CSMD1: variants seen among roughly 807,000 people sequenced by gnomAD.
CSMD1 encodes CUB and Sushi multiple domains 1, also known as CUB and sushi domain-containing protein 1.
Under a neutral mutation model 417.5 loss-of-function variants are expected in CSMD1, and 213 were observed. That is an observed-to-expected ratio of 0.51 (90% CI 0.46 to 0.57). The LOEUF (loss-of-function observed/expected upper bound fraction) is 0.57. Ranked by LOEUF, CSMD1 falls within the 20% of genes least tolerant of loss-of-function variation. The pLI is 0.00. For missense variants in CSMD1, 6,923 were observed against 4,529.7 expected (o/e 1.53, Z -15.17); for synonymous variants, 2,862 against 1,736.8 (o/e 1.65, Z -16.11).
chr8:3,104,132 T>G (rs578087001), intron 46 of CSMD1, among the ~76,000 whole-genome samples: 48 of 152,368 alleles, frequency 3.2e-4, no homozygotes, highest in African/African-American at 1.0e-3. Context: ...TAAAGTCTTC[T>G]ATTCTGAGAA....
chr8:3,783,924 T>G (rs970051756), intron 5 of CSMD1, among the ~76,000 whole-genome samples: 52 of 152,324 alleles, frequency 3.4e-4, no homozygotes, highest in African/African-American at 1.2e-3. Flanking sequence ...GGCTGCAGTT[T>G]GAATACCCCA....
At chr8:3,483,182 C>G (rs1443494436) in intron 11 of CSMD1, among the ~76,000 whole-genome samples, 1 of 151,896 alleles carries the variant, frequency 6.6e-6, no homozygotes, top group Non-Finnish European at 1.5e-5. Context: ...AACAAATATT[C>G]TCTTTCAAAA....
intron 1 of CSMD1, among the ~76,000 whole-genome samples, chr8:4,916,381 A>C (rs1488700368): frequency 6.6e-6 from 1 of 152,254 alleles, no homozygotes; most frequent in East Asian, 1.9e-4. Flanking sequence ...TTCTGGTTAT[A>C]GATTCAGAGT....
intron 1 of CSMD1, among the ~76,000 whole-genome samples, chr8:4,808,535 A>T (rs1271460082): frequency 6.6e-6 from 1 of 152,206 alleles, no homozygotes; most frequent in African/African-American, 2.4e-5. Context: ...TGGTAGAAAA[A>T]GGCTTTCAGT....
intron 12 of CSMD1, among the ~76,000 whole-genome samples, chr8:3,421,892 C>A (rs1354051655): frequency 6.8e-6 from 1 of 146,168 alleles, no homozygotes; most frequent in Non-Finnish European, 1.5e-5. Flanking sequence ...CCCACCTTGG[C>A]CGCCCAAAGT....
At chr8:3,087,743 A>G (rs1327047440) in intron 48 of CSMD1, among the ~76,000 whole-genome samples, 1 of 152,238 alleles carries the variant, frequency 6.6e-6, no homozygotes, top group Non-Finnish European at 1.5e-5. Context: ...TGCAGCCCAC[A>G]GGCTGCAGGT....
chr8:4,522,054 C>A (rs1345694452), intron 2 of CSMD1, among the ~76,000 whole-genome samples: 1 of 151,970 alleles, frequency 6.6e-6, no homozygotes, highest in Non-Finnish European at 1.5e-5. Flanking sequence ...TGGCTGTGTC[C>A]CCACCCAAAT....
chr8:3,327,147 CTT>C (rs34203580), intron 23 of CSMD1, among the ~76,000 whole-genome samples: 1,757 of 148,134 alleles, frequency 0.012, 45 homozygotes, highest in African/African-American at 0.04. Flanking sequence ...ACAATACCAT[CTT>C]TTTTTTTTTT....
chr8:3,459,854 A>G (rs67233213), intron 12 of CSMD1, among the ~76,000 whole-genome samples: 28,139 of 151,916 alleles, frequency 0.19, 2,906 homozygotes, highest in East Asian at 0.44. Flanking sequence ...TCAAACGTAT[A>G]AAAACTCAAC....
At chr8:4,038,033 A>G (rs1036252848) in intron 3 of CSMD1, among the ~76,000 whole-genome samples, 2 of 152,160 alleles carry the variant, frequency 1.3e-5, no homozygotes, top group East Asian at 1.9e-4. Flanking sequence ...AAAAGTGTAA[A>G]TAAGTATCAG....
At chr8:2,962,180 C>A (rs549891462) in intron 61 of CSMD1, among the ~76,000 whole-genome samples, 5 of 152,128 alleles carry the variant, frequency 3.3e-5, no homozygotes, top group Non-Finnish European at 5.9e-5. Flanking sequence ...CTAAACAATG[C>A]AATTGGCAGT....
rs77991397 is a variant in CSMD1 at position 4,793,998 on chromosome 8, C to G, written c.86-156440G>C. The stretch of plus-strand genomic sequence containing the variant: ...CTACAAAGGCTTACAGGAGTATTTG[C>G]ATACATTTTAAAAGCAGTTTCTTAT... On this transcript the variant is annotated intron_variant, in intron 1 of 69. Coordinates refer to ENST00000635120, the MANE Select transcript of CSMD1 (RefSeq NM_033225.6). 3.3e-3 allele frequency among the ~76,000 whole-genome samples: 503 copies of G among 152,216 alleles called. 9 individuals carry two copies. Among genetic ancestry groups the G allele is most frequent in the African/African-American group, 0.012 (485 of 41,550 alleles).
At chr8:4,346,459 G>C (rs1025540246) in intron 3 of CSMD1, among the ~76,000 whole-genome samples, 1 of 152,056 alleles carries the variant, frequency 6.6e-6, no homozygotes, top group African/African-American at 2.4e-5. Flanking sequence ...AAGGCTTGCC[G>C]ATCCTTGATA....
intron 37 of CSMD1, among the ~76,000 whole-genome samples, chr8:3,177,743 A>G (rs1000361905): frequency 2.6e-5 from 4 of 152,174 alleles, no homozygotes; most frequent in Admixed American, 2.0e-4. Flanking sequence ...CCACCAGATC[A>G]ATACTGAGTT....
At chr8:3,541,110 C>T (rs1267208420) in intron 10 of CSMD1, among the ~76,000 whole-genome samples, 1 of 152,128 alleles carries the variant, frequency 6.6e-6, no homozygotes, top group African/African-American at 2.4e-5. Flanking sequence ...TTCACAACAG[C>T]AAAGACATGG....
chr8:3,037,920 T>G (rs192013134), intron 50 of CSMD1, among the ~76,000 whole-genome samples: 2 of 152,292 alleles, frequency 1.3e-5, no homozygotes, highest in Admixed American at 1.3e-4. Context: ...GTCATATTCT[T>G]AGGGTTTCGA....
intron 5 of CSMD1, among the ~76,000 whole-genome samples, chr8:3,970,965 G>A (rs1813043569): frequency 2.0e-5 from 3 of 152,074 alleles, no homozygotes; most frequent in South Asian, 4.2e-4. Context: ...TGGCCGGGCT[G>A]GTCTCGAAGT....
At position 4,738,915 on chromosome 8, in the gene CSMD1, G is replaced by GTGTGTGTATGTGTGTGTGTA. The variant is rs1554464209; in HGVS notation, c.86-101358_86-101357insTACACACACACATACACACA. 2.4e-3 allele frequency among the ~76,000 whole-genome samples: 372 copies of GTGTGTGTATGTGTGTGTGTA among 152,128 alleles called. 2 individuals are homozygous for GTGTGTGTATGTGTGTGTGTA. Among genetic ancestry groups the GTGTGTGTATGTGTGTGTGTA allele is most frequent in the African/African-American group, 8.6e-3 (357 of 41,484 alleles). On this transcript the variant is annotated intron_variant, in intron 1 of 69. Transcript: ENST00000635120. Reference sequence around the variant, plus strand: ...AAATTCTGTGTGTTTGTGTGTGTGTGTGTGTGTATGTGTTAGAAGGCAATG... The same window carrying GTGTGTGTATGTGTGTGTGTA: ...AAATTCTGTGTGTTTGTGTGTGTGTGTGTGTGTATGTGTGTGTGTATGTGTGTATGTGTTAGAAGGCAATG...
chr8:3,714,206 T>C (rs1801694443), intron 6 of CSMD1, among the ~76,000 whole-genome samples: 1 of 150,780 alleles, frequency 6.6e-6, no homozygotes, highest in Non-Finnish European at 1.5e-5. Context: ...ATATATAACA[T>C]ATAAATGAAT....
Sources: allele counts gnomAD v4.1 joint callset (sites outside exome capture counted in the v4.1 genomes callset), GRCh38; gene constraint gnomAD v4.1.1; transcripts MANE v1.5; gene names NCBI Gene and HGNC (gene_info 2026-07-23, HGNC 2026-07-21).